The following GALNT13 variants were observed in gnomAD, a reference collection of about 807,000 sequenced individuals.
GALNT13 encodes the protein polypeptide N-acetylgalactosaminyltransferase 13, also known as UDP-GalNAc:polypeptide N-acetylgalactosaminyltransferase 13.
Under a neutral mutation model 64.2 loss-of-function variants are expected in GALNT13, and 28 were observed. That is an observed-to-expected ratio of 0.44 (90% confidence interval 0.32 to 0.60). The LOEUF (loss-of-function observed/expected upper bound fraction) is 0.60, where lower values mean the gene tolerates loss of function less well. Ranked by LOEUF, GALNT13 falls within the 20% of genes least tolerant of loss-of-function variation. GALNT13 has a pLI of 0.05. For synonymous variants in GALNT13, 214 were observed against 224.6 expected (o/e 0.95, Z 0.42); for missense variants, 577 against 669.8 (o/e 0.86, Z 1.53).
chr2:154,439,817 G>A (rs754835053), intron 12 of GALNT13, among the ~76,000 whole-genome samples: 4 of 152,106 alleles, frequency 2.6e-5, no homozygotes, highest in Non-Finnish European at 5.9e-5. Flanking sequence ...GTGTTACCAG[G>A]ATCTTAGGAC....
At chr2:153,773,773 G>A in the GALNT13 span, among the ~76,000 whole-genome samples, 19 of 152,152 alleles carry the variant, frequency 1.2e-4, no homozygotes, top group Non-Finnish European at 2.1e-4. Flanking sequence ...AAGGTAGAAT[G>A]GAGAGATTTT....
At chr2:153,896,433 TTAAA>T (rs1687902225) in intron 1 of GALNT13, among the ~76,000 whole-genome samples, 1 of 151,578 alleles carries the variant, frequency 6.6e-6, no homozygotes, top group Admixed American at 6.6e-5. Context: ...TATATAAATA[TTAAA>T]TATATATGAA....
At chr2:153,478,616 G>A in the GALNT13 span, 2 of 1,431,464 alleles carry the variant, frequency 1.4e-6, no homozygotes, top group Admixed American at 5.2e-5. Context: ...GGGTGGGAAG[G>A]CGGCGGCGCT....
chr2:153,836,472 T>TC, the GALNT13 span, among the ~76,000 whole-genome samples: 1 of 151,864 alleles, frequency 6.6e-6, no homozygotes, highest in African/African-American at 2.4e-5. Context: ...TCTTATTTCC[T>TC]CCCCCATCCC....
chr2:153,986,339 AAGAC>A (rs748610301), intron 3 of GALNT13, among the ~76,000 whole-genome samples: 48 of 152,142 alleles, frequency 3.2e-4, no homozygotes, highest in South Asian at 4.1e-4. Flanking sequence ...ACAAAAGAGA[AAGAC>A]AGGTATTGTT....
At chr2:154,378,888 T>G (rs1428330546) in intron 9 of GALNT13, among the ~76,000 whole-genome samples, 3 of 152,130 alleles carry the variant, frequency 2.0e-5, no homozygotes, top group Non-Finnish European at 2.9e-5. Flanking sequence ...TCTGCAACAT[T>G]TTGTCATGAT....
chr2:153,509,696 C>T, the GALNT13 span, among the ~76,000 whole-genome samples: 1 of 152,154 alleles, frequency 6.6e-6, no homozygotes, highest in Non-Finnish European at 1.5e-5. Context: ...TTGAGCCAGG[C>T]GTAGTGAATA....
the GALNT13 span, among the ~76,000 whole-genome samples, chr2:153,619,289 C>G: frequency 6.6e-6 from 1 of 151,948 alleles, no homozygotes; most frequent in Non-Finnish European, 1.5e-5. Context: ...CTTAAACAAA[C>G]AAGCAAAAAG....
At chr2:153,547,419 A>G in the GALNT13 span, among the ~76,000 whole-genome samples, 2 of 152,360 alleles carry the variant, frequency 1.3e-5, no homozygotes, top group East Asian at 3.9e-4. Flanking sequence ...ACAGCAAACC[A>G]GCCATTAGCA....
chr2:153,250,264 G>A, the GALNT13 span, among the ~76,000 whole-genome samples: 27 of 152,154 alleles, frequency 1.8e-4, no homozygotes, highest in Admixed American at 2.6e-4. Flanking sequence ...ATTTATGTGG[G>A]CAACAAAATA....
the GALNT13 span, among the ~76,000 whole-genome samples, chr2:153,252,596 C>T: frequency 4.9e-4 from 75 of 152,138 alleles, no homozygotes; most frequent in Middle Eastern, 3.4e-3. Context: ...AGGGTTTTTA[C>T]GGTTTTAGGT....
At chr2:154,090,388 A>G (rs1006094916) in intron 3 of GALNT13, among the ~76,000 whole-genome samples, 2 of 152,112 alleles carry the variant, frequency 1.3e-5, no homozygotes, top group South Asian at 2.1e-4. Flanking sequence ...GTAAGAAAAT[A>G]TATAGATTTT....
the GALNT13 span, among the ~76,000 whole-genome samples, chr2:153,230,661 A>G: frequency 6.6e-6 from 1 of 152,214 alleles, no homozygotes; most frequent in Non-Finnish European, 1.5e-5. Flanking sequence ...CAATTTAAAT[A>G]TATATGAACA....
the GALNT13 span, among the ~76,000 whole-genome samples, chr2:153,817,747 C>T: frequency 6.6e-6 from 1 of 152,090 alleles, no homozygotes; most frequent in Non-Finnish European, 1.5e-5. Flanking sequence ...TTCTTTAACA[C>T]CACATAAAAT....
chr2:153,523,283 A>G, the GALNT13 span, among the ~76,000 whole-genome samples: 1 of 152,034 alleles, frequency 6.6e-6, no homozygotes, highest in Non-Finnish European at 1.5e-5. Flanking sequence ...TTCTTCTTAC[A>G]TATTGTATTG....
At chr2:153,581,118 T>A in the GALNT13 span, among the ~76,000 whole-genome samples, 1 of 152,138 alleles carries the variant, frequency 6.6e-6, no homozygotes, top group Admixed American at 6.5e-5. Context: ...CATGTCTTGC[T>A]TGTACCTTAG....
At chr2:153,133,883 A>G in the GALNT13 span, among the ~76,000 whole-genome samples, 8 of 152,192 alleles carry the variant, frequency 5.3e-5, no homozygotes, top group African/African-American at 1.7e-4. Context: ...TTCTTTCTTC[A>G]GACAGCAGCC....
chr2:153,510,304 T>C, the GALNT13 span, among the ~76,000 whole-genome samples: 6 of 152,178 alleles, frequency 3.9e-5, no homozygotes, highest in African/African-American at 9.7e-5. Flanking sequence ...TCTGGCCCTT[T>C]GATATTTTAT....
the GALNT13 span, among the ~76,000 whole-genome samples, chr2:153,615,888 G>T: frequency 6.6e-6 from 1 of 151,920 alleles, no homozygotes; most frequent in Non-Finnish European, 1.5e-5. Flanking sequence ...TCTATGGGTT[G>T]TCTCACTACT....
Sources: allele counts gnomAD v4.1 joint callset (sites outside exome capture counted in the v4.1 genomes callset), GRCh38; gene constraint gnomAD v4.1.1; transcripts MANE v1.5; gene names NCBI Gene and HGNC (gene_info 2026-07-23, HGNC 2026-07-21).